ARMC9: variants seen among roughly 807,000 people sequenced by gnomAD.
The protein encoded by ARMC9 is armadillo repeat containing 9.
A neutral mutation model predicts 107.0 loss-of-function variants in ARMC9; 94 were observed. That is an observed-to-expected ratio of 0.88 (90% CI 0.74 to 1.04). The LOEUF (loss-of-function observed/expected upper bound fraction) is 1.04. Among genes scored for constraint, ARMC9 ranks in the 50% least tolerant of loss-of-function variants. The pLI, the probability that ARMC9 is intolerant of heterozygous loss-of-function variation, is 0.00. For synonymous variants in ARMC9, 380 were observed against 396.9 expected, an observed-to-expected ratio of 0.96 and a Z score of 0.51; for missense variants, 942 against 1,030.1, an observed-to-expected ratio of 0.91 and a Z score of 1.17.
At chr2:231,281,180 A>G (rs112995011) in intron 16 of ARMC9, among the ~76,000 whole-genome samples, 12 of 134,706 alleles carry the variant, frequency 8.9e-5, no homozygotes, top group South Asian at 5.4e-4. Flanking sequence ...CCAGTGCTGT[A>G]GTGGAGGGAT....
In ARMC9 at chr2:231,333,737, G is replaced by A. The variant is rs562182911; in HGVS notation, c.1878+1840G>A. ...GCACGTGTTGATACCTGTTGAGACC[G>A]CGACGCATGTACCCCTGACCACACT... On this transcript the variant is annotated intron_variant, in intron 20 of 24. Coordinates refer to ENST00000611582, the MANE Select transcript of ARMC9 (RefSeq NM_001352754.2). 1.1e-4 allele frequency among the ~76,000 whole-genome samples: 16 copies of A among 152,310 alleles called. No individual in the cohort carries two copies. The South Asian group carries it at 1.7e-3, about 16-fold the overall frequency.
Position 231,238,396 on chromosome 2 carries a change from C to G in ARMC9, c.781-1547C>G, listed in dbSNP as rs184449410. ...GACAGGGTCTCACTCTGTTGTCTAG[C>G]TGGAGTGCAGTGGTGCAATCTCAGC... On this transcript the variant is annotated intron_variant, in intron 8 of 24. Coordinates refer to ENST00000611582, the MANE Select transcript of ARMC9 (RefSeq NM_001352754.2). Among the ~76,000 whole-genome samples, 102 of 152,320 alleles carry G rather than the reference C, an allele frequency of 6.7e-4. 1 individual carries two copies. In the East Asian group the frequency reaches 0.015, roughly 22 times the overall value.
intron 7 of ARMC9, among the ~76,000 whole-genome samples, chr2:231,231,093 TGTTTAGTA>T (rs1235270404): frequency 6.6e-6 from 1 of 152,226 alleles, no homozygotes; most frequent in Non-Finnish European, 1.5e-5. Context: ...TAATCTCTTA[TGTTTAGTA>T]AATTGCAGAA....
At chr2:231,357,722 C>A (rs113337696) in intron 22 of ARMC9, among the ~76,000 whole-genome samples, 2 of 152,088 alleles carry the variant, frequency 1.3e-5, no homozygotes, top group Non-Finnish European at 2.9e-5. Flanking sequence ...ACAGATGCAC[C>A]ACCATACCAG....
At chr2:231,279,511 C>CTTTTTTTT (rs57779512) in intron 16 of ARMC9, among the ~76,000 whole-genome samples, 85 of 124,784 alleles carry the variant, frequency 6.8e-4, no homozygotes, top group Non-Finnish European at 9.4e-4. Flanking sequence ...TTTCTTTTTT[C>CTTTTTTTT]TTTTTTTTTT....
At chr2:231,278,998 AGCCTGTACACTTCGAGT>A (rs2039990094) in intron 16 of ARMC9, among the ~76,000 whole-genome samples, 1 of 152,164 alleles carries the variant, frequency 6.6e-6, no homozygotes, top group Admixed American at 6.5e-5. Flanking sequence ...TTACTTATCC[AGCCTGTACACTTCGAGT>A]GCCATCCACT....
chr2:231,352,255 C>T (rs868744495), intron 21 of ARMC9, among the ~76,000 whole-genome samples: 5 of 151,942 alleles, frequency 3.3e-5, no homozygotes, highest in Admixed American at 3.3e-4. Flanking sequence ...AGCCACTATG[C>T]CCAGCCCAGC....
intron 6 of ARMC9, among the ~76,000 whole-genome samples, chr2:231,223,179 C>T (rs2034319469): frequency 6.6e-6 from 1 of 152,218 alleles, no homozygotes; most frequent in Admixed American, 6.5e-5. Flanking sequence ...GCATATGGAT[C>T]GGGTGACCAT....
At chr2:231,226,829 A>G (rs2034691546) in intron 7 of ARMC9, 31 bp downstream of exon 7, 2 of 1,606,498 alleles carry the variant, frequency 1.2e-6, no homozygotes, top group South Asian at 2.2e-5. Context: ...TTTGTCTAAG[A>G]ACAACTTTGC....
In ARMC9 at chr2:231,276,638, G is replaced by A. The variant is rs754901782; in HGVS notation, c.1337G>A (p.Arg446His). The part of the protein sequence containing the change: ...LGALQKFSLR[R>H]PLQTAMIQDG... ...TACCGTAGGCTCTTTCTTCCCAGGC[G>A]CCCGCTGCAGACAGCGATGATTCAA... The change falls in exon 15 of 25, where the codon CGC (arginine) becomes CAC (histidine). Residue 446 changes from arginine to histidine, a missense_variant and splice_region_variant. Coordinates refer to ENST00000611582, the MANE Select transcript of ARMC9 (RefSeq NM_001352754.2). 1.1e-5 allele frequency: 17 copies of A among 1,613,914 alleles called. No individual in the cohort carries two copies. The highest frequency in any genetic ancestry group is 3.3e-5 in the Admixed American group (2 of 59,986).
chr2:231,310,865 G>A (rs1166857689), intron 19 of ARMC9, among the ~76,000 whole-genome samples: 7 of 152,150 alleles, frequency 4.6e-5, no homozygotes, highest in Non-Finnish European at 1.5e-5. Flanking sequence ...AGTGACTCAT[G>A]CTTGTAATCC....
chr2:231,295,868 C>T lies in ARMC9; in HGVS notation c.1718-330C>T, dbSNP rs2041331014. The stretch of plus-strand genomic sequence containing the variant: ...TATTTGTAAGGATTAAGTGAAATAA[C>T]GGGTATGGCAGAATCTAGCATGATG... On this transcript the variant is annotated intron_variant, in intron 18 of 24. Coordinates refer to ENST00000611582, the MANE Select transcript of ARMC9 (RefSeq NM_001352754.2). 3 of 189,512 alleles carry T rather than the reference C, an allele frequency of 1.6e-5. No homozygotes were observed. In the East Asian group the frequency reaches 3.9e-4, roughly 24 times the overall value. 11.7% of individuals were successfully genotyped at this position (189,512 alleles called of 1,614,324 possible). A position where few individuals can be genotyped will look rare whatever the true frequency, so the allele number is the denominator to read the frequency against.
intron 19 of ARMC9, among the ~76,000 whole-genome samples, chr2:231,304,483 G>A (rs957050647): frequency 1.3e-5 from 2 of 152,130 alleles, no homozygotes; most frequent in South Asian, 2.1e-4. Context: ...TGCAACCTCC[G>A]CCTCCTGGGT....
intron 21 of ARMC9, among the ~76,000 whole-genome samples, chr2:231,347,471 G>A (rs1305089593): frequency 6.6e-6 from 1 of 151,680 alleles, no homozygotes; most frequent in African/African-American, 2.4e-5. Flanking sequence ...TACTCCAGAC[G>A]GGCTACACGA....
chr2:231,231,591 C>G (rs2035223412), intron 7 of ARMC9, among the ~76,000 whole-genome samples: 2 of 151,908 alleles, frequency 1.3e-5, no homozygotes, highest in Admixed American at 1.3e-4. Flanking sequence ...ACCACGTTGG[C>G]CAGGCTGGTC....
intron 8 of ARMC9, 96 bp downstream of exon 8, chr2:231,235,477 C>G (rs2035623179): frequency 2.1e-6 from 3 of 1,412,502 alleles, no homozygotes. Flanking sequence ...GCCTGCCTCT[C>G]TCCATTCCAA....
chr2:231,255,211 AC>A lies in ARMC9; in HGVS notation c.880-1374del, dbSNP rs2037662224. Among the ~76,000 whole-genome samples the A allele has an allele frequency of 6.6e-6, 1 of 151,796 alleles. No homozygotes were observed. The highest frequency in any genetic ancestry group is 1.5e-5 in the Non-Finnish European group (1 of 67,944). On this transcript the variant is annotated intron_variant, in intron 9 of 24. Transcript: ENST00000611582. The surrounding 1 kb of genome is among the most constrained non-coding windows in gnomAD (Gnocchi z 4.7). ...CACACACACACACACACACACACAC[AC>A]ACACACACAAAATAAATGGGACAAG...
At chr2:231,245,628 C>T (rs901256476) in intron 9 of ARMC9, among the ~76,000 whole-genome samples, 9 of 152,228 alleles carry the variant, frequency 5.9e-5, no homozygotes, top group African/African-American at 1.4e-4. Context: ...ATGCGTCCTT[C>T]TAGAGCCTTG....
chr2:231,366,313 T>A (rs2045816737), intron 23 of ARMC9, among the ~76,000 whole-genome samples: 1 of 152,194 alleles, frequency 6.6e-6, no homozygotes, highest in South Asian at 2.1e-4. Flanking sequence ...TAAATGTTCA[T>A]CTTGTCCAAA....
Sources: allele counts gnomAD v4.1 joint callset (sites outside exome capture counted in the v4.1 genomes callset), GRCh38; gene constraint gnomAD v4.1.1; non-coding constraint Gnocchi (gnomAD v3.1); transcripts MANE v1.5; gene names NCBI Gene and HGNC (gene_info 2026-07-23, HGNC 2026-07-21).